DSE: variants seen among roughly 807,000 people sequenced by gnomAD.
The protein encoded by DSE is dermatan-sulfate epimerase.
Under a neutral mutation model 84.4 loss-of-function variants are expected in DSE, and 36 were observed. That is an observed-to-expected ratio of 0.43 (90% CI 0.33 to 0.56). The LOEUF (loss-of-function observed/expected upper bound fraction) is 0.56, where lower values mean the gene tolerates loss of function less well. Among genes scored for constraint, DSE ranks in the 20% least tolerant of loss-of-function variants. The probability of loss-of-function intolerance (pLI) is 0.06; values close to 1 mark genes in which losing one functional copy is unlikely to be tolerated. For missense variants in DSE, 862 were observed against 1,169.6 expected (o/e 0.74, Z 3.84); for synonymous variants, 410 against 430.1 (o/e 0.95, Z 0.58).
At chr6:116,325,083 A>G (rs550116001) in intron 2 of DSE, among the ~76,000 whole-genome samples, 2 of 151,492 alleles carry the variant, frequency 1.3e-5, no homozygotes, top group African/African-American at 4.8e-5. Context: ...CTCCTTGGAA[A>G]GGCTGGAACC....
At chr6:116,399,152 G>A (rs768948137) in intron 1 of DSE, 46 bp from the exon 2 acceptor site, 1 of 1,524,514 alleles carries the variant, frequency 6.6e-7, no homozygotes, top group South Asian at 1.2e-5. Context: ...CCTGTGCCAT[G>A]TTCCCTTGGC....
intron 1 of DSE, among the ~76,000 whole-genome samples, chr6:116,390,654 G>A (rs904101911): frequency 3.9e-5 from 6 of 152,078 alleles, no homozygotes; most frequent in Non-Finnish European, 7.4e-5. Context: ...AACTAAAATT[G>A]TAATAAAGAA....
chr6:116,425,166 A>T (rs571378186), intron 2 of DSE, among the ~76,000 whole-genome samples: 13 of 152,364 alleles, frequency 8.5e-5, no homozygotes, highest in South Asian at 4.1e-4. Context: ...GCCTTAATTT[A>T]AAAAAGCCTG....
intron 2 of DSE, among the ~76,000 whole-genome samples, chr6:116,403,736 T>G (rs1781744974): frequency 6.6e-6 from 1 of 152,216 alleles, no homozygotes; most frequent in Admixed American, 6.5e-5. Flanking sequence ...TGGGATCAGT[T>G]ACTCTGTAGA....
In DSE at chr6:116,389,092, G is replaced by A. The variant is rs146673221; in HGVS notation, c.-53-10106G>A. Among the ~76,000 whole-genome samples, 157 of 152,268 alleles carry A rather than the reference G, an allele frequency of 1.0e-3. 1 individual carries two copies. The highest frequency in any genetic ancestry group is 3.7e-3 in the African/African-American group (153 of 41,554). ...TGGGGTCATGGTGCACTTCCCCTCA[G>A]TTGGACTGACCTCGATGTTCTCATT... On this transcript the variant is annotated intron_variant, in intron 1 of 5. Coordinates refer to ENST00000644252, the MANE Select transcript of DSE (RefSeq NM_013352.4).
chr6:116,357,895 TC>T (rs1338068853), intron 2 of DSE, among the ~76,000 whole-genome samples: 2 of 152,254 alleles, frequency 1.3e-5, no homozygotes, highest in Non-Finnish European at 2.9e-5. Flanking sequence ...TTGATGTATT[TC>T]CTTCTGAATG....
chr6:116,304,136 A>G (rs947988086), intron 2 of DSE, among the ~76,000 whole-genome samples: 1 of 151,384 alleles, frequency 6.6e-6, no homozygotes, highest in Non-Finnish European at 1.5e-5. Flanking sequence ...AAAAAAAAAA[A>G]AGAAAGAAAA....
chr6:116,282,293 A>G (rs1053663522), intron 2 of DSE, among the ~76,000 whole-genome samples: 11 of 152,166 alleles, frequency 7.2e-5, no homozygotes, highest in African/African-American at 2.7e-4. Context: ...ATCATCTTCT[A>G]TTTTGAACTG....
intron 2 of DSE, among the ~76,000 whole-genome samples, chr6:116,289,220 A>G (rs1774127692): frequency 6.6e-6 from 1 of 152,040 alleles, no homozygotes; most frequent in Non-Finnish European, 1.5e-5. Flanking sequence ...CTGTATTTTT[A>G]GTAAGGTAAA....
intron 2 of DSE, among the ~76,000 whole-genome samples, chr6:116,358,630 C>T (rs1263789715): frequency 6.6e-6 from 1 of 152,148 alleles, no homozygotes; most frequent in African/African-American, 2.4e-5. Flanking sequence ...TCTTGTTGTG[C>T]CTCATAAACA....
rs1406000796 is a variant in DSE at position 116,305,117 on chromosome 6, AATTAGAAT to A, written c.-54+46151_-54+46158del. On this transcript the variant is annotated intron_variant, in intron 2 of 3. Transcript: ENST00000430252. ...CCTTGTCACTCCACTAAATGGTCCA[AATTAGAAT>A]CAAACTTTCCTTTTTTTTTTTTTCT... Among the ~76,000 whole-genome samples the A allele has an allele frequency of 2.6e-5, 4 of 152,208 alleles. No homozygotes were observed. The East Asian group carries it at 7.7e-4, about 29-fold the overall frequency.
Position 116,436,659 on chromosome 6 carries a change from A to G in DSE, c.2191A>G (p.Ile731Val). Residue 731 changes from isoleucine (I) to valine (V), a missense_variant, in exon 6 of 6, where the codon ATT becomes GTT. By Grantham distance (29) the Ile-to-Val change is conservative. Coordinates refer to ENST00000644252, the MANE Select transcript of DSE (RefSeq NM_013352.4). ...CCGGAATTCAGCCATCAAGAGCAGC[A>G]TTGTCCCTGAGGTGAAGGACTATGC... ...FDRNSAIKSS[I>V]VPEVKDYAAI... The G allele has an allele frequency of 6.2e-7, 1 of 1,614,208 alleles. No individual in the cohort carries two copies. The highest frequency in any genetic ancestry group is 8.5e-7 in the Non-Finnish European group (1 of 1,180,024).
chr6:116,411,328 A>G (rs1782340189), intron 2 of DSE, among the ~76,000 whole-genome samples: 1 of 152,232 alleles, frequency 6.6e-6, no homozygotes, highest in Non-Finnish European at 1.5e-5. Flanking sequence ...AAATAAATGA[A>G]GAATAGCTGG....
chr6:116,398,242 T>TG (rs1287686517), intron 1 of DSE, among the ~76,000 whole-genome samples: 2 of 152,232 alleles, frequency 1.3e-5, no homozygotes, highest in Non-Finnish European at 2.9e-5. Context: ...GCTGAGGTTT[T>TG]GGGGATTTTA....
rs566347140 is a variant in DSE, at chr6:116,426,334, AT to A, written c.417-238del. On this transcript the variant is annotated intron_variant, in intron 2 of 5. Coordinates refer to ENST00000644252, the MANE Select transcript of DSE (RefSeq NM_013352.4). ...CTTGTCATGAGTAAAAAAAGTAAAA[AT>A]TCTCAACATCTCGATGTTGCCAGAA... is the stretch of plus-strand genomic sequence containing the variant. Among the ~76,000 whole-genome samples the A allele has an allele frequency of 5.1e-4, 78 of 152,282 alleles. 1 individual carries two copies. Among genetic ancestry groups the A allele is most frequent in the African/African-American group, 1.9e-3 (77 of 41,562 alleles).
At chr6:116,317,235 A>G (rs1776035252) in intron 2 of DSE, among the ~76,000 whole-genome samples, 2 of 152,222 alleles carry the variant, frequency 1.3e-5, no homozygotes, top group Admixed American at 1.3e-4. Flanking sequence ...TCTGTTGTAC[A>G]GTCATTGGCC....
rs1784501076 is a variant in DSE, at chr6:116,443,872, A to G, written c.*6527A>G. 1 of 152,246 alleles carries G rather than the reference A, an allele frequency of 6.6e-6. No homozygotes were observed. Among genetic ancestry groups the G allele is most frequent in the South Asian group, 2.1e-4 (1 of 4,832 alleles). The allele number at this position is 152,246 out of a possible 1,614,324, so 9.4% of individuals were successfully genotyped here. ...TTTTTCTTCCAAAGAAATGGTAATAACAGGACACTAGAAGTACCTTTCTGT... is the reference window on the plus strand; with the variant it reads ...TTTTTCTTCCAAAGAAATGGTAATAGCAGGACACTAGAAGTACCTTTCTGT... On this transcript the variant is annotated 3_prime_UTR_variant, in exon 6 of 6. Coordinates refer to ENST00000644252, the MANE Select transcript of DSE (RefSeq NM_013352.4).
rs1784518018 is a variant in DSE at position 116,444,416 on chromosome 6, G to GA, written c.*7076dup. ...GCCTGGCATTCAAAAAATGCATTCA[G>GA]AAAAATTTGGTATTCAAAAAATGCT... On this transcript the variant is annotated 3_prime_UTR_variant, in exon 6 of 6. Coordinates refer to ENST00000644252, the MANE Select transcript of DSE (RefSeq NM_013352.4). The GA allele has an allele frequency of 6.6e-6, 1 of 151,106 alleles. No homozygotes were observed. Among genetic ancestry groups the GA allele is most frequent in the South Asian group, 2.1e-4 (1 of 4,800 alleles). The allele number at this position is 151,106 out of a possible 1,614,324, so 9.4% of individuals were successfully genotyped here. A position where few individuals can be genotyped will look rare whatever the true frequency, so the allele number is the denominator to read the frequency against.
intron 2 of DSE, among the ~76,000 whole-genome samples, chr6:116,359,337 T>C (rs1778756576): frequency 6.6e-6 from 1 of 152,164 alleles, no homozygotes; most frequent in Admixed American, 6.5e-5. Context: ...CTCTATGATA[T>C]CTTTCACAAC....
Sources: gnomAD v4.1 joint callset for allele counts (sites outside exome capture counted in the v4.1 genomes callset) on GRCh38, gnomAD v4.1.1 for gene constraint, MANE v1.5 for transcripts, NCBI Gene and HGNC (gene_info 2026-07-23, HGNC 2026-07-21) for gene names.